The following ERN1 variants were observed in gnomAD, a reference collection of about 807,000 sequenced individuals.
ERN1 encodes serine/threonine-protein kinase/endoribonuclease IRE1.
In ERN1, 39 loss-of-function variants were observed where a neutral mutation model predicts 113.1. The observed-to-expected ratio is 0.34, with a 90% CI of 0.27 to 0.45. The LOEUF (loss-of-function observed/expected upper bound fraction) is 0.45, where lower values mean the gene tolerates loss of function less well. Ranked by LOEUF, ERN1 falls within the 20% of genes least tolerant of loss-of-function variation. The pLI is 1.00. For missense variants in ERN1, 976 were observed against 1,274.8 expected (o/e 0.77, Z 3.57); for synonymous variants, 507 against 515.9 (o/e 0.98, Z 0.23).
In ERN1 at chr17:64,080,762, T is replaced by C. The variant is rs1913742272; in HGVS notation, c.209+13A>G. On this transcript the variant is annotated intron_variant, in intron 3 of 21. Coordinates refer to ENST00000433197, the MANE Select transcript of ERN1 (RefSeq NM_001433.5). The stretch of plus-strand genomic sequence containing the variant: ...GAATTAAAGGGAAGTACTGAGCGAA[T>C]CAGAAAACTTACTCTTCCACATGTG... 2 of 1,609,080 alleles carry C rather than the reference T, an allele frequency of 1.2e-6. No homozygotes were observed. The highest frequency in any genetic ancestry group is 1.7e-6 in the Non-Finnish European group (2 of 1,177,436).
chr17:64,121,328 A>G (rs1378729916), intron 1 of ERN1, among the ~76,000 whole-genome samples: 1 of 152,250 alleles, frequency 6.6e-6, no homozygotes, highest in Non-Finnish European at 1.5e-5. Context: ...TGACTGAGCT[A>G]GAGAAGAGCG....
intron 1 of ERN1, among the ~76,000 whole-genome samples, chr17:64,100,208 T>A (rs1914347066): frequency 6.6e-6 from 1 of 152,086 alleles, no homozygotes; most frequent in African/African-American, 2.4e-5. Context: ...TGGGAGTTCA[T>A]GAGTAAACAG....
chr17:64,098,280 T>G (rs775805843), intron 1 of ERN1, 39 bp from the exon 2 acceptor site: 22 of 1,612,928 alleles, frequency 1.4e-5, no homozygotes, highest in Non-Finnish European at 1.9e-5. Flanking sequence ...GTTGATATGA[T>G]TCTTCACCTT....
At position 64,042,452 on chromosome 17, in the gene ERN1, A is replaced by G. The variant is rs528371554; in HGVS notation, c.*1536T>C. 2 of 152,358 alleles carry G rather than the reference A, an allele frequency of 1.3e-5. No homozygotes were observed. The highest frequency in any genetic ancestry group is 3.9e-4 in the East Asian group (2 of 5,194). 9.4% of individuals were successfully genotyped at this position (152,358 alleles called of 1,614,324 possible). On this transcript the variant is annotated 3_prime_UTR_variant, in exon 22 of 22. Transcript: ENST00000433197. The stretch of plus-strand genomic sequence containing the variant: ...ACAGAAAACATCTTACAACATGAAG[A>G]AACAGTGATTTCTCTGTGAGTAAAA...
chr17:64,115,871 A>G (rs180713562), intron 1 of ERN1, among the ~76,000 whole-genome samples: 1 of 152,274 alleles, frequency 6.6e-6, no homozygotes, highest in East Asian at 1.9e-4. Context: ...ATGATGATCC[A>G]TGACTTACCA....
chr17:64,119,376 G>GTTGTTTTTTTTTTTGTTTTTTTTT (rs777806993), intron 1 of ERN1, among the ~76,000 whole-genome samples: 1 of 77,896 alleles, frequency 1.3e-5, no homozygotes, highest in African/African-American at 5.6e-5. Flanking sequence ...TTTTTTCTAG[G>GTTGTTTTTTTTTTTGTTTTTTTTT]TTTTTTTTTT....
chr17:64,098,371 T>G lies in ERN1; in HGVS notation c.55-130A>C, dbSNP rs1227529259. Reference sequence around the variant, plus strand: ...ATTTTACAGATGAAGAAATGGAAGGTGGAGAGCCTAAATTCCCACTCAGTC... The same window carrying G: ...ATTTTACAGATGAAGAAATGGAAGGGGGAGAGCCTAAATTCCCACTCAGTC... On this transcript the variant is annotated intron_variant, in intron 1 of 21. Coordinates refer to ENST00000433197, the MANE Select transcript of ERN1 (RefSeq NM_001433.5). 5 of 1,197,460 alleles carry G rather than the reference T, an allele frequency of 4.2e-6. No individual in the cohort carries two copies. The African/African-American group carries it at 7.5e-5, about 18-fold the overall frequency. The allele number at this position is 1,197,460 out of a possible 1,614,324, so 74.2% of individuals were successfully genotyped here. A position where few individuals can be genotyped will look rare whatever the true frequency, so the allele number is the denominator to read the frequency against.
chr17:64,053,380 G>T lies in ERN1; in HGVS notation c.1954-9C>A, dbSNP rs1193940371. On this transcript the variant is annotated splice_polypyrimidine_tract_variant and intron_variant, in intron 15 of 21. Coordinates refer to ENST00000433197, the MANE Select transcript of ERN1 (RefSeq NM_001433.5). The stretch of plus-strand genomic sequence containing the variant: ...TCCTTCTGCTCCACATACTGCAAAA[G>T]ACATGACAGCAAGGTCACGGCACAC... 6.3e-7 allele frequency: 1 copy of T among 1,586,990 alleles called. No homozygotes were observed. Among genetic ancestry groups the T allele is most frequent in the South Asian group, 1.1e-5 (1 of 87,906 alleles).
At chr17:64,060,311 C>T (rs1246131322) in intron 11 of ERN1, among the ~76,000 whole-genome samples, 158 bp downstream of exon 11, 2 of 152,236 alleles carry the variant, frequency 1.3e-5, no homozygotes, top group Non-Finnish European at 2.9e-5. Context: ...TTCCTCTCCA[C>T]TAGCCCTTAA....
At chr17:64,069,819 G>A (rs1024959455) in intron 6 of ERN1, among the ~76,000 whole-genome samples, 1 of 152,184 alleles carries the variant, frequency 6.6e-6, no homozygotes, top group African/African-American at 2.4e-5. Context: ...CAGACCTCAT[G>A]CAGATAATGA....
chr17:64,091,757 G>T (rs1914094455), intron 2 of ERN1, among the ~76,000 whole-genome samples: 1 of 152,184 alleles, frequency 6.6e-6, no homozygotes, highest in Non-Finnish European at 1.5e-5. Context: ...GGGAGCCCAG[G>T]GAGTTGGGGC....
chr17:64,067,423 T>C, intron 7 of ERN1, among the ~76,000 whole-genome samples: 1 of 55,266 alleles, frequency 1.8e-5, no homozygotes, highest in South Asian at 8.6e-4. Flanking sequence ...GACCCCCGTC[T>C]CTACAAAAAA....
chr17:64,061,761 G>A (rs1250111982), intron 10 of ERN1, among the ~76,000 whole-genome samples: 2 of 152,200 alleles, frequency 1.3e-5, no homozygotes, highest in African/African-American at 2.4e-5. Flanking sequence ...ATGTGAGTAT[G>A]TGCGGGTAAC....
rs989015900 is a variant in ERN1 at position 64,049,298 on chromosome 17, C to G, written c.2254-96G>C. The G allele has an allele frequency of 4.6e-6, 6 of 1,290,768 alleles. No homozygotes were observed. In the African/African-American group the frequency reaches 7.5e-5, roughly 16 times the overall value. 80.0% of individuals were successfully genotyped at this position (1,290,768 alleles called of 1,614,324 possible). On this transcript the variant is annotated intron_variant, in intron 17 of 21. Transcript: ENST00000433197. The surrounding 1 kb of genome is among the most constrained non-coding windows in gnomAD (Gnocchi z 4.7). ...GGAGCATTGCTGCTGCTTCTGCCAC[C>G]TAGAAGGTGTCCTGGGAGAATCAGC...
intron 2 of ERN1, among the ~76,000 whole-genome samples, chr17:64,083,350 G>C (rs1304686022): frequency 6.6e-6 from 1 of 152,040 alleles, no homozygotes; most frequent in Admixed American, 6.6e-5. Context: ...TGAAAAAGTG[G>C]TTTTGATTTA....
At chr17:64,111,918 C>T (rs1914683005) in intron 1 of ERN1, among the ~76,000 whole-genome samples, 1 of 152,144 alleles carries the variant, frequency 6.6e-6, no homozygotes, top group Admixed American at 6.5e-5. Context: ...AAACCAAACT[C>T]AAAAACCTGA....
In ERN1 at chr17:64,063,574, C is replaced by T. The variant is rs1365462410; in HGVS notation, c.1087+412G>A. Among the ~76,000 whole-genome samples, 1 of 152,166 alleles carries T rather than the reference C, an allele frequency of 6.6e-6. No homozygotes were observed. The highest frequency in any genetic ancestry group is 2.1e-4 in the South Asian group (1 of 4,830). On this transcript the variant is annotated intron_variant, in intron 10 of 21. Transcript: ENST00000433197. This position sits in a 1 kb window ranked among gnomAD's most constrained non-coding sequence, Gnocchi z 5.1. ...GTCCTCAGCCCTCGCCTCTCCAACC[C>T]CTCACCCTCATGCCCACGTGGACTC...
At chr17:64,111,826 AAAGT>A (rs1315163567) in intron 1 of ERN1, among the ~76,000 whole-genome samples, 1 of 152,226 alleles carries the variant, frequency 6.6e-6, no homozygotes, top group Non-Finnish European at 1.5e-5. Flanking sequence ...GAGAATTTCA[AAAGT>A]AAGAGTTATA....
chr17:64,084,731 C>G (rs1475361378), intron 2 of ERN1, among the ~76,000 whole-genome samples: 2 of 152,154 alleles, frequency 1.3e-5, no homozygotes, highest in Admixed American at 6.5e-5. Context: ...CACAGTGGTT[C>G]ATAAATCCCA....
Sources: allele counts gnomAD v4.1 joint callset (sites outside exome capture counted in the v4.1 genomes callset), GRCh38; gene constraint gnomAD v4.1.1; non-coding constraint Gnocchi (gnomAD v3.1); transcripts MANE v1.5; gene names NCBI Gene and HGNC (gene_info 2026-07-23, HGNC 2026-07-21).